Variants in DCLK1 observed in about 807,000 individuals in gnomAD.
DCLK1 encodes doublecortin like kinase 1, also known as serine/threonine-protein kinase DCLK1.
In DCLK1, 16 loss-of-function variants were observed where a neutral mutation model predicts 86.2. The observed-to-expected ratio is 0.19, with a 90% CI of 0.13 to 0.28. The LOEUF is 0.28. Among genes scored for constraint, DCLK1 ranks in the 10% least tolerant of loss-of-function variants. The pLI, the probability that DCLK1 is intolerant of heterozygous loss-of-function variation, is 1.00. For synonymous variants in DCLK1, 369 were observed against 370.5 expected (o/e 1.00, Z 0.05); for missense variants, 590 against 940.2 (o/e 0.63, Z 4.87).
intron 4 of DCLK1, among the ~76,000 whole-genome samples, chr13:35,925,088 C>A (rs1876036921): frequency 6.6e-6 from 1 of 152,314 alleles, no homozygotes; most frequent in Middle Eastern, 3.4e-3. Flanking sequence ...AATTCACCAC[C>A]AAAATTCAAA....
chr13:36,001,010 G>A (rs949290502), intron 3 of DCLK1, among the ~76,000 whole-genome samples: 9 of 150,572 alleles, frequency 6.0e-5, no homozygotes, highest in Non-Finnish European at 7.4e-5. Context: ...GTGTAATGAC[G>A]TGGTCTCAAC....
At chr13:36,020,902 T>G (rs1259717981) in intron 3 of DCLK1, among the ~76,000 whole-genome samples, 2 of 152,186 alleles carry the variant, frequency 1.3e-5, no homozygotes, top group Non-Finnish European at 2.9e-5. Context: ...GACATTAACT[T>G]AATTCCACAT....
intron 4 of DCLK1, 97 bp from the exon 5 acceptor site, chr13:35,871,437 C>T: frequency 1.0e-6 from 1 of 980,710 alleles, no homozygotes; most frequent in Non-Finnish European, 1.6e-6. Flanking sequence ...AATATATGAC[C>T]ATCCTCAGTC....
rs74046151 is a variant in DCLK1 at position 35,923,428 on chromosome 13, T to C, written c.823+23930A>G. Among the ~76,000 whole-genome samples, 414 of 151,784 alleles carry C rather than the reference T, an allele frequency of 2.7e-3. 2 individuals are homozygous for C. The highest frequency in any genetic ancestry group is 9.5e-3 in the African/African-American group (393 of 41,422). On this transcript the variant is annotated intron_variant, in intron 4 of 16. Coordinates refer to ENST00000360631, the MANE Select transcript of DCLK1 (RefSeq NM_001330071.2). ...AGCTGTTGAAGGGCATCTGAGTCAC[T>C]GGGAACACGGCCAGGGCTTGGTGGG...
intron 11 of DCLK1, among the ~76,000 whole-genome samples, chr13:35,822,381 T>TA (rs562894311): frequency 6.3e-4 from 96 of 152,272 alleles, no homozygotes; most frequent in Non-Finnish European, 1.1e-3. Context: ...AACTGGCAAG[T>TA]AAAAACTTTC....
chr13:35,922,511 T>C (rs1875860449), intron 4 of DCLK1, among the ~76,000 whole-genome samples: 1 of 152,218 alleles, frequency 6.6e-6, no homozygotes, highest in African/African-American at 2.4e-5. Flanking sequence ...TTTCTTTGAC[T>C]GTACAATGTA....
At chr13:35,971,560 C>T (rs567849784) in intron 3 of DCLK1, among the ~76,000 whole-genome samples, 22 of 152,174 alleles carry the variant, frequency 1.4e-4, no homozygotes, top group South Asian at 8.3e-4. Flanking sequence ...GTCGGGAGTT[C>T]GAGACCAGCC....
intron 2 of DCLK1, among the ~76,000 whole-genome samples, chr13:36,119,048 A>G (rs956567163): frequency 1.3e-5 from 2 of 152,196 alleles, no homozygotes; most frequent in Non-Finnish European, 2.9e-5. Flanking sequence ...GGGGGTCCCA[A>G]ACATTAGGAC....
intron 3 of DCLK1, among the ~76,000 whole-genome samples, chr13:35,971,987 C>A (rs1879084533): frequency 6.6e-6 from 1 of 152,156 alleles, no homozygotes; most frequent in East Asian, 1.9e-4. Context: ...CTAAATCCTT[C>A]CAATTCTTCA....
chr13:36,023,138 T>G (rs1257630862), intron 3 of DCLK1, among the ~76,000 whole-genome samples: 1 of 152,224 alleles, frequency 6.6e-6, no homozygotes, highest in Non-Finnish European at 1.5e-5. Context: ...ATCAATAGGA[T>G]AGATATCTGT....
At chr13:35,887,766 C>T (rs1322843486) in intron 4 of DCLK1, among the ~76,000 whole-genome samples, 1 of 149,892 alleles carries the variant, frequency 6.7e-6, no homozygotes, top group Admixed American at 6.7e-5. Flanking sequence ...TAGAAGCTTT[C>T]AAGCCAGACA....
chr13:35,777,171 CA>C (rs2086437914), intron 16 of DCLK1, among the ~76,000 whole-genome samples: 1 of 152,186 alleles, frequency 6.6e-6, no homozygotes, highest in African/African-American at 2.4e-5. Context: ...CTTTCAGGTG[CA>C]TGGATCCCCA....
At chr13:36,068,821 T>C (rs555768089) in intron 3 of DCLK1, among the ~76,000 whole-genome samples, 1 of 152,304 alleles carries the variant, frequency 6.6e-6, no homozygotes, top group South Asian at 2.1e-4. Context: ...TCCAAGACCA[T>C]GATGGGTGCT....
Position 35,839,102 on chromosome 13 carries a change from G to T in DCLK1, c.1110C>A (p.Gly370=), listed in dbSNP as rs750564253. ...KVCSSMDEND[G]PGEEVSEEGF... is the part of the protein sequence containing the mutation. ...TCCCAAGCTCATCACCTTCTCCAGG[G>T]CCATCGTTCTCATCCATCGAGCTGC... The change falls in exon 7 of 17, where the codon GGC becomes GGA. Residue 370 remains glycine, a synonymous_variant. Transcript: ENST00000360631. The T allele has an allele frequency of 1.3e-5, 21 of 1,598,904 alleles. No homozygotes were observed. The highest frequency in any genetic ancestry group is 1.7e-5 in the Non-Finnish European group (20 of 1,172,974).
At chr13:35,942,261 G>C (rs1383282977) in intron 4 of DCLK1, among the ~76,000 whole-genome samples, 2 of 152,044 alleles carry the variant, frequency 1.3e-5, no homozygotes, top group African/African-American at 4.8e-5. Context: ...CCGCCTCCCG[G>C]GTTCAAGTGA....
At chr13:35,843,143 C>A (rs559112156) in intron 6 of DCLK1, among the ~76,000 whole-genome samples, 48 of 152,280 alleles carry the variant, frequency 3.2e-4, no homozygotes, top group Non-Finnish European at 1.2e-4. Flanking sequence ...TTTTTCTGAG[C>A]AGATAAACCA....
intron 3 of DCLK1, among the ~76,000 whole-genome samples, chr13:35,987,394 T>C (rs1438156507): frequency 6.6e-6 from 1 of 152,132 alleles, no homozygotes; most frequent in Non-Finnish European, 1.5e-5. Context: ...TAGACAGCCT[T>C]AGTGAAGAGA....
At chr13:35,786,759 C>A (rs1378830532) in intron 16 of DCLK1, among the ~76,000 whole-genome samples, 1 of 152,128 alleles carries the variant, frequency 6.6e-6, no homozygotes, top group Non-Finnish European at 1.5e-5. Context: ...CCTTCTCCCT[C>A]CAAAATAAGG....
chr13:35,926,147 C>A (rs908972943), intron 4 of DCLK1, among the ~76,000 whole-genome samples: 2 of 151,972 alleles, frequency 1.3e-5, no homozygotes, highest in Non-Finnish European at 1.5e-5. Context: ...CAATGTCTGC[C>A]GCCCAGGTTC....
Sources: gnomAD v4.1 joint callset for allele counts (sites outside exome capture counted in the v4.1 genomes callset) on GRCh38, gnomAD v4.1.1 for gene constraint, MANE v1.5 for transcripts, NCBI Gene and HGNC (gene_info 2026-07-23, HGNC 2026-07-21) for gene names.